SLC25A26: variants seen among roughly 807,000 people sequenced by gnomAD.
SLC25A26 encodes solute carrier family 25 member 26.
Under a neutral mutation model 37.8 loss-of-function variants are expected in SLC25A26, and 36 were observed. The observed-to-expected ratio is 0.95, with a 90% CI of 0.73 to 1.26. The LOEUF is 1.26. Ranked by LOEUF, SLC25A26 falls within the 50% of genes most tolerant of loss-of-function variation. SLC25A26 has a pLI of 0.00. For missense variants in SLC25A26, 390 were observed against 331.1 expected (o/e 1.18, Z -1.38); for synonymous variants, 129 against 122.5 (o/e 1.05, Z -0.35).
chr3:66,162,811 C>A (rs573153148), intron 1 of SLC25A26, among the ~76,000 whole-genome samples: 1 of 152,298 alleles, frequency 6.6e-6, no homozygotes, highest in Admixed American at 6.5e-5. Flanking sequence ...AGATTCCCTG[C>A]ACATGGAGGT....
intron 1 of SLC25A26, among the ~76,000 whole-genome samples, chr3:66,153,103 G>A (rs2070229680): frequency 6.6e-6 from 1 of 152,224 alleles, no homozygotes. Flanking sequence ...TGTTCCCCAG[G>A]GGCCATTTAT....
intron 3 of SLC25A26, among the ~76,000 whole-genome samples, chr3:66,257,489 A>T (rs1016757873): frequency 2.0e-5 from 3 of 152,152 alleles, no homozygotes; most frequent in African/African-American, 7.2e-5. Flanking sequence ...TGAGCCCTGA[A>T]CCAAAGATCC....
chr3:66,373,116 A>G (rs890120622), intron 9 of SLC25A26, among the ~76,000 whole-genome samples: 1 of 151,850 alleles, frequency 6.6e-6, no homozygotes, highest in African/African-American at 2.4e-5. Flanking sequence ...GAGCCTGCCC[A>G]CCCCGGATGG....
At chr3:66,318,550 A>C (rs2075603995) in intron 5 of SLC25A26, among the ~76,000 whole-genome samples, 1 of 151,890 alleles carries the variant, frequency 6.6e-6, no homozygotes, top group African/African-American at 2.4e-5. Flanking sequence ...CCTCAGTTGA[A>C]GATGCAGAAT....
chr3:66,200,976 T>C (rs2071100892), intron 1 of SLC25A26, among the ~76,000 whole-genome samples: 1 of 152,176 alleles, frequency 6.6e-6, no homozygotes, highest in Admixed American at 6.5e-5. Context: ...GGAGTTAGTC[T>C]AGTACCGTAT....
intron 1 of SLC25A26, among the ~76,000 whole-genome samples, chr3:66,136,610 A>G (rs1340541012): frequency 6.6e-6 from 1 of 152,234 alleles, no homozygotes; most frequent in Admixed American, 6.5e-5. Context: ...TTATATTTCC[A>G]AAACAATCAT....
At chr3:66,263,184 C>CAGTTTAGAATCATTAACCTCTTAGAG in intron 4 of SLC25A26, 148 bp from the exon 5 acceptor site, 1 of 656,442 alleles carries the variant, frequency 1.5e-6, no homozygotes, top group South Asian at 1.8e-5. Context: ...TACCTTAGGA[C>CAGTTTAGAATCATTAACCTCTTAGAG]AGTTTAGAAT....
chr3:66,139,671 G>A (rs1028181905), intron 1 of SLC25A26, among the ~76,000 whole-genome samples: 5 of 152,118 alleles, frequency 3.3e-5, no homozygotes, highest in East Asian at 1.9e-4. Flanking sequence ...ACAGATGGTC[G>A]GCTGCAGTGT....
intron 5 of SLC25A26, among the ~76,000 whole-genome samples, chr3:66,269,219 T>G (rs1409900239): frequency 1.3e-5 from 2 of 152,224 alleles, no homozygotes; most frequent in African/African-American, 4.8e-5. Context: ...GCTAGGAGAT[T>G]CGGAAATTAA....
At chr3:66,210,141 C>T (rs1372234101) in intron 1 of SLC25A26, among the ~76,000 whole-genome samples, 1 of 150,600 alleles carries the variant, frequency 6.6e-6, no homozygotes, top group Non-Finnish European at 1.5e-5. Flanking sequence ...CTTTTCTATT[C>T]CAGCAATTGA....
At chr3:66,232,785 G>C (rs1382925831) in intron 1 of SLC25A26, among the ~76,000 whole-genome samples, 1 of 152,232 alleles carries the variant, frequency 6.6e-6, no homozygotes, top group Non-Finnish European at 1.5e-5. Context: ...TCATCCTCGG[G>C]GCTGTTGGAA....
intron 1 of SLC25A26, among the ~76,000 whole-genome samples, chr3:66,135,515 C>T (rs1262122348): frequency 6.6e-6 from 1 of 152,162 alleles, no homozygotes; most frequent in African/African-American, 2.4e-5. Context: ...TGCCTGTATT[C>T]TAAGCACTTT....
chr3:66,255,220 C>G (rs928459680), intron 3 of SLC25A26, among the ~76,000 whole-genome samples: 3 of 152,138 alleles, frequency 2.0e-5, no homozygotes, highest in Admixed American at 6.5e-5. Context: ...CTCAAGTTAT[C>G]CTCCTGTCTT....
intron 5 of SLC25A26, among the ~76,000 whole-genome samples, chr3:66,308,314 G>A (rs13072874): frequency 0.17 from 26,030 of 152,072 alleles, 3,334 homozygotes; most frequent in East Asian, 0.68. Flanking sequence ...TCTGTTAATG[G>A]TATGTAGGAA....
chr3:66,194,546 C>T (rs1260806042), intron 1 of SLC25A26, among the ~76,000 whole-genome samples: 3 of 152,242 alleles, frequency 2.0e-5, no homozygotes, highest in African/African-American at 4.8e-5. Context: ...TGGCAGAAAG[C>T]ATTACTATTA....
chr3:66,308,762 T>G (rs953045103), intron 5 of SLC25A26, among the ~76,000 whole-genome samples: 3 of 152,142 alleles, frequency 2.0e-5, no homozygotes, highest in Non-Finnish European at 2.9e-5. Flanking sequence ...TGAATTTTAT[T>G]GAAAGCCTTT....
chr3:66,172,338 G>A (rs1359344478), intron 1 of SLC25A26, among the ~76,000 whole-genome samples: 1 of 147,986 alleles, frequency 6.8e-6, no homozygotes, highest in African/African-American at 2.5e-5. Flanking sequence ...TTGGGCCCAG[G>A]AGGCTGAGGC....
At chr3:66,369,242 T>C (rs1700210188) in intron 7 of SLC25A26, among the ~76,000 whole-genome samples, 3 of 152,166 alleles carry the variant, frequency 2.0e-5, no homozygotes, top group Admixed American at 6.5e-5. Flanking sequence ...AGATAAATTG[T>C]GGAGCCTTGT....
intron 2 of SLC25A26, among the ~76,000 whole-genome samples, chr3:66,238,333 C>A (rs2072398808): frequency 6.6e-6 from 1 of 152,092 alleles, no homozygotes; most frequent in Non-Finnish European, 1.5e-5. Flanking sequence ...TTAACACATA[C>A]TTTGTGTGTT....
Sources: gnomAD v4.1 joint callset for allele counts (sites outside exome capture counted in the v4.1 genomes callset) on GRCh38, gnomAD v4.1.1 for gene constraint, MANE v1.5 for transcripts, NCBI Gene and HGNC (gene_info 2026-07-23, HGNC 2026-07-21) for gene names.